The following RGL1 variants were observed in gnomAD, a reference collection of about 807,000 sequenced individuals.
RGL1 encodes ral guanine nucleotide dissociation stimulator like 1, also known as ral guanine nucleotide dissociation stimulator-like 1.
A neutral mutation model predicts 95.2 loss-of-function variants in RGL1; 24 were observed. That is an observed-to-expected ratio of 0.25 (90% CI 0.18 to 0.35). The LOEUF is 0.35. Ranked by LOEUF, RGL1 falls within the 10% of genes least tolerant of loss-of-function variation. The pLI is 1.00. For synonymous variants in RGL1, 329 were observed against 344.9 expected (o/e 0.95, Z 0.51); for missense variants, 715 against 936.3 (o/e 0.76, Z 3.08).
chr1:183,848,667 T>C (rs988634373), intron 3 of RGL1, among the ~76,000 whole-genome samples: 5 of 152,190 alleles, frequency 3.3e-5, no homozygotes, highest in Non-Finnish European at 5.9e-5. Flanking sequence ...AGTTTGTTCA[T>C]ATTGCTGCCT....
At chr1:183,659,277 C>G (rs976415131) in intron 1 of RGL1, among the ~76,000 whole-genome samples, 2 of 152,124 alleles carry the variant, frequency 1.3e-5, no homozygotes, top group African/African-American at 2.4e-5. Context: ...GGAGGAAATT[C>G]AAACCAAAGG....
intron 5 of RGL1, 65 bp from the exon 6 acceptor site, chr1:183,883,721 A>T: frequency 6.3e-7 from 1 of 1,579,212 alleles, no homozygotes; most frequent in Non-Finnish European, 8.6e-7. Flanking sequence ...GTAAAGTCTG[A>T]TGACTCTATA....
intron 1 of RGL1, among the ~76,000 whole-genome samples, chr1:183,637,389 C>T (rs1649619021): frequency 6.6e-6 from 1 of 152,136 alleles, no homozygotes; most frequent in African/African-American, 2.4e-5. Flanking sequence ...GGACTCGATA[C>T]ATGCTTGATG....
chr1:183,874,434 C>G (rs1666365432), intron 4 of RGL1, among the ~76,000 whole-genome samples: 1 of 152,128 alleles, frequency 6.6e-6, no homozygotes, highest in African/African-American at 2.4e-5. Flanking sequence ...ACTCCGGGCC[C>G]TCTCCCACTC....
At chr1:183,722,704 A>C (rs1253755197) in intron 1 of RGL1, among the ~76,000 whole-genome samples, 1 of 152,228 alleles carries the variant, frequency 6.6e-6, no homozygotes, top group Admixed American at 6.5e-5. Flanking sequence ...AAATTTTGTC[A>C]ATCTAAAATT....
intron 9 of RGL1, among the ~76,000 whole-genome samples, chr1:183,894,469 A>C (rs1667582256): frequency 6.6e-6 from 1 of 152,240 alleles, no homozygotes; most frequent in Non-Finnish European, 1.5e-5. Flanking sequence ...TGCTTTGGGC[A>C]GTCCATGTAT....
chr1:183,846,074 C>G (rs1440894286), intron 2 of RGL1, among the ~76,000 whole-genome samples: 1 of 152,216 alleles, frequency 6.6e-6, no homozygotes, highest in Non-Finnish European at 1.5e-5. Flanking sequence ...AATCATTCTA[C>G]TATAAAGACA....
At chr1:183,721,181 A>G (rs751839531) in intron 1 of RGL1, among the ~76,000 whole-genome samples, 52 of 152,196 alleles carry the variant, frequency 3.4e-4, no homozygotes, top group Admixed American at 8.5e-4. Flanking sequence ...CAGCATGACT[A>G]AAACTCACCT....
Position 183,724,579 on chromosome 1 carries a change from G to C in RGL1, c.-32-17547G>C, listed in dbSNP as rs1656203373. 1.3e-5 allele frequency among the ~76,000 whole-genome samples: 2 copies of C among 152,122 alleles called. No homozygotes were observed. Among genetic ancestry groups the C allele is most frequent in the Non-Finnish European group, 2.9e-5 (2 of 68,016 alleles). On this transcript the variant is annotated intron_variant, in intron 1 of 18. Coordinates refer to the RGL1 transcript ENST00000304685. The surrounding 1 kb of genome is among the most constrained non-coding windows in gnomAD (Gnocchi z 4.1). Reference sequence around the variant, plus strand: ...GGTCACCATGAAGAGAGACTCCTCTGCTTGTGGAAGGGGGAGGGAGGAGTA... The same window carrying C: ...GGTCACCATGAAGAGAGACTCCTCTCCTTGTGGAAGGGGGAGGGAGGAGTA...
intron 4 of RGL1, among the ~76,000 whole-genome samples, chr1:183,866,874 T>C (rs1319752751): frequency 1.3e-5 from 2 of 152,026 alleles, no homozygotes; most frequent in East Asian, 1.9e-4. Flanking sequence ...CTGCTTGTGG[T>C]GCGGGCTGAA....
chr1:183,723,339 G>A (rs1444330715), intron 1 of RGL1, among the ~76,000 whole-genome samples: 1 of 152,148 alleles, frequency 6.6e-6, no homozygotes, highest in Non-Finnish European at 1.5e-5. Context: ...AAACACCTTC[G>A]TAAGGACTGA....
At chr1:183,811,599 A>G (rs1399499662) in intron 2 of RGL1, among the ~76,000 whole-genome samples, 1 of 152,244 alleles carries the variant, frequency 6.6e-6, no homozygotes, top group Non-Finnish European at 1.5e-5. Context: ...TTATTAATCC[A>G]CTGATAGGGT....
intron 2 of RGL1, 136 bp from the exon 3 acceptor site, chr1:183,847,429 TG>T: frequency 1.3e-6 from 1 of 777,928 alleles, no homozygotes; most frequent in Non-Finnish European, 2.1e-6. Flanking sequence ...CTCTCCAGCC[TG>T]GGTAACAAAA....
intron 2 of RGL1, among the ~76,000 whole-genome samples, chr1:183,742,814 T>TTTA (rs1348369847): frequency 3.3e-5 from 5 of 152,090 alleles, no homozygotes; most frequent in African/African-American, 1.2e-4. Context: ...AAGCTTTTAT[T>TTTA]TTTATTATGC....
intron 3 of RGL1, among the ~76,000 whole-genome samples, chr1:183,854,809 T>C (rs1430037661): frequency 1.3e-5 from 2 of 152,270 alleles, no homozygotes; most frequent in African/African-American, 4.8e-5. Flanking sequence ...CTAGCTTCAG[T>C]TTTCCTCATC....
chr1:183,862,078 A>G (rs1198344235), intron 3 of RGL1, among the ~76,000 whole-genome samples: 1 of 152,110 alleles, frequency 6.6e-6, no homozygotes, highest in Admixed American at 6.5e-5. Flanking sequence ...ATGTTGGCTT[A>G]TGCCTGTAAT....
Position 183,826,639 on chromosome 1 carries a change from G to A in RGL1, c.138+20154G>A, listed in dbSNP as rs890235025. Among the ~76,000 whole-genome samples, 7 of 152,286 alleles carry A rather than the reference G, an allele frequency of 4.6e-5. No individual in the cohort carries two copies. In the South Asian group the frequency reaches 1.4e-3, roughly 32 times the overall value. ...TATAGATCATTTAGCTTTGGAATAA[G>A]CACTTCTATTTATGTCAGTTTCTCT... On this transcript the variant is annotated intron_variant, in intron 2 of 17. Coordinates refer to ENST00000360851, the MANE Select transcript of RGL1 (RefSeq NM_001297671.3).
At chr1:183,917,599 T>C (rs1669055606) in intron 16 of RGL1, among the ~76,000 whole-genome samples, 2 of 152,234 alleles carry the variant, frequency 1.3e-5, no homozygotes, top group Non-Finnish European at 2.9e-5. Context: ...TGCTAAAGCA[T>C]TTATTGAGTC....
chr1:183,641,629 C>G (rs1649931821), intron 1 of RGL1, among the ~76,000 whole-genome samples: 1 of 152,128 alleles, frequency 6.6e-6, no homozygotes, highest in Non-Finnish European at 1.5e-5. Context: ...TTTGTGCTAT[C>G]TTTATCCAGT....
Sources: gnomAD v4.1 joint callset for allele counts (sites outside exome capture counted in the v4.1 genomes callset) on GRCh38, gnomAD v4.1.1 for gene constraint, Gnocchi (gnomAD v3.1) non-coding constraint, MANE v1.5 for transcripts, NCBI Gene and HGNC (gene_info 2026-07-23, HGNC 2026-07-21) for gene names.